SCCPDH: variants seen among roughly 807,000 people sequenced by gnomAD.
SCCPDH encodes the protein saccharopine dehydrogenase-like oxidoreductase.
In SCCPDH, 34 loss-of-function variants were observed where a neutral mutation model predicts 51.5. The observed-to-expected ratio is 0.66, with a 90% confidence interval of 0.50 to 0.88. SCCPDH has a LOEUF of 0.88. Among genes scored for constraint, SCCPDH ranks in the 40% least tolerant of loss-of-function variants. The probability of loss-of-function intolerance (pLI) is 0.00; values close to 1 mark genes in which losing one functional copy is unlikely to be tolerated. For missense variants in SCCPDH, 464 were observed against 527.1 expected, an observed-to-expected ratio of 0.88 and a Z score of 1.17; for synonymous variants, 187 against 191.3, an observed-to-expected ratio of 0.98 and a Z score of 0.19.
chr1:246,766,044 A>C lies in SCCPDH; in HGVS notation c.1103-14A>C. ...TGATTCCTTTCTTTTTCCCTGATCA[A>C]CTGTTTTCTGCAGAGGCTGGCTATG... On this transcript the variant is annotated splice_polypyrimidine_tract_variant and intron_variant, in intron 10 of 11. Transcript: ENST00000366510. 1.3e-6 allele frequency: 2 copies of C among 1,579,416 alleles called. No homozygotes were observed. The highest frequency in any genetic ancestry group is 1.2e-5 in the South Asian group (1 of 86,762).
rs1668985649 is a variant in SCCPDH at position 246,759,951 on chromosome 1, A to G, written c.814-6A>G. ...ATGTTCTAACTTTGTCTTCTCCATC[A>G]TCTAGGTTCAGTATGCTGCGTATGT... is the stretch of plus-strand genomic sequence containing the variant. On this transcript the variant is annotated splice_region_variant and splice_polypyrimidine_tract_variant and intron_variant, in intron 7 of 11. Coordinates refer to ENST00000366510, the MANE Select transcript of SCCPDH (RefSeq NM_016002.3). 1 of 1,605,240 alleles carries G rather than the reference A, an allele frequency of 6.2e-7. No homozygotes were observed. The highest frequency in any genetic ancestry group is 1.7e-5 in the Admixed American group (1 of 57,984).
chr1:246,755,635 C>A, intron 5 of SCCPDH: 1 of 153,366 alleles, frequency 6.5e-6, no homozygotes. Context: ...CTTTCTCCAC[C>A]TTACTCTGGT....
chr1:246,762,215 C>A lies in SCCPDH; in HGVS notation c.990+1988C>A, dbSNP rs139157613. Among the ~76,000 whole-genome samples the A allele has an allele frequency of 4.9e-4, 75 of 152,298 alleles. 1 individual carries two copies. In the East Asian group the frequency reaches 0.013, roughly 27 times the overall value. ...CAAATCATATATTTGACAGAAGATT[C>A]ATATCCAGAAAATATAGAGAACTCC... On this transcript the variant is annotated intron_variant, in intron 9 of 11. Coordinates refer to ENST00000366510, the MANE Select transcript of SCCPDH (RefSeq NM_016002.3).
At chr1:246,743,934 TG>T in intron 4 of SCCPDH, 141 bp from the exon 5 acceptor site, 1 of 549,650 alleles carries the variant, frequency 1.8e-6, no homozygotes. Flanking sequence ...ATAATAAAAC[TG>T]TTGTCTGTAC....
chr1:246,733,462 CTA>C (rs1318680418), intron 2 of SCCPDH, among the ~76,000 whole-genome samples: 1 of 148,448 alleles, frequency 6.7e-6, no homozygotes. Flanking sequence ...TATATGGCCT[CTA>C]TATATAGTCC....
At chr1:246,762,027 AG>A (rs1353793199) in intron 9 of SCCPDH, among the ~76,000 whole-genome samples, 1 of 152,228 alleles carries the variant, frequency 6.6e-6, no homozygotes, top group African/African-American at 2.4e-5. Flanking sequence ...CGAGAGTTCC[AG>A]TTTCTCTGCT....
intron 5 of SCCPDH, among the ~76,000 whole-genome samples, chr1:246,745,084 G>A (rs183024087): frequency 1.3e-5 from 2 of 152,300 alleles, no homozygotes; most frequent in South Asian, 2.1e-4. Flanking sequence ...TTTATCATGC[G>A]CCTAACTTAG....
At chr1:246,747,371 T>C (rs144369306) in intron 5 of SCCPDH, among the ~76,000 whole-genome samples, 2 of 152,056 alleles carry the variant, frequency 1.3e-5, no homozygotes, top group Admixed American at 6.6e-5. Context: ...ACCCAGAAAA[T>C]CTGAGACAGG....
chr1:246,744,712 T>A (rs1296813544), intron 5 of SCCPDH, among the ~76,000 whole-genome samples: 1 of 152,124 alleles, frequency 6.6e-6, no homozygotes, highest in Non-Finnish European at 1.5e-5. Context: ...CCTCCCGGAT[T>A]TAAGTGGTTC....
chr1:246,728,352 G>T (rs938996269), intron 2 of SCCPDH, among the ~76,000 whole-genome samples: 7 of 152,192 alleles, frequency 4.6e-5, no homozygotes, highest in Non-Finnish European at 8.8e-5. Context: ...GAGGTCCACT[G>T]CTGCACTCTA....
chr1:246,754,600 G>T (rs1015468627), intron 5 of SCCPDH, among the ~76,000 whole-genome samples: 4 of 152,252 alleles, frequency 2.6e-5, no homozygotes, highest in Admixed American at 2.0e-4. Context: ...GTCTCCAGCA[G>T]TCGAGCTCCG....
chr1:246,753,118 A>AT (rs1668879673), intron 5 of SCCPDH, among the ~76,000 whole-genome samples: 1 of 144,312 alleles, frequency 6.9e-6, no homozygotes, highest in Admixed American at 6.9e-5. Flanking sequence ...CTCCTCTAGG[A>AT]TTTTTTTTCT....
intron 4 of SCCPDH, among the ~76,000 whole-genome samples, chr1:246,742,024 G>A (rs1382541176): frequency 6.6e-6 from 1 of 152,218 alleles, no homozygotes; most frequent in African/African-American, 2.4e-5. Context: ...AGCTGAGATC[G>A]CGCTGTTGCA....
Position 246,733,676 on chromosome 1 carries a change from G to A in SCCPDH, c.304-2299G>A, listed in dbSNP as rs78567157. Among the ~76,000 whole-genome samples, 577 of 152,144 alleles carry A rather than the reference G, an allele frequency of 3.8e-3. 1 individual carries two copies. The highest frequency in any genetic ancestry group is 0.017 in the Middle Eastern group (5 of 294). ...AAATAGGTTTAGAGAGAGAGATGAT[G>A]AATTCGGTTTTAGACTTGTTGAAAT... On this transcript the variant is annotated intron_variant, in intron 2 of 11. Transcript: ENST00000366510.
chr1:246,752,993 C>G (rs1429163961), intron 5 of SCCPDH, among the ~76,000 whole-genome samples: 1 of 151,920 alleles, frequency 6.6e-6, no homozygotes. Flanking sequence ...CTCTCCGCCT[C>G]TCTGTCTCTT....
At chr1:246,757,213 G>A (rs1035218489) in intron 5 of SCCPDH, among the ~76,000 whole-genome samples, 48 of 152,084 alleles carry the variant, frequency 3.2e-4, no homozygotes, top group African/African-American at 9.9e-4. Flanking sequence ...GCATGGTGGT[G>A]GGCACCTGTA....
At chr1:246,760,468 A>G (rs1668995908) in intron 9 of SCCPDH, among the ~76,000 whole-genome samples, 1 of 152,176 alleles carries the variant, frequency 6.6e-6, no homozygotes, top group African/African-American at 2.4e-5. Context: ...CAGGTAGTAC[A>G]TGGCCCAGCT....
At chr1:246,724,691 C>T (rs1668360599) in intron 1 of SCCPDH, 79 bp downstream of exon 1, 3 of 1,258,884 alleles carry the variant, frequency 2.4e-6, no homozygotes, top group Non-Finnish European at 3.1e-6. Flanking sequence ...GCGTTTCTCC[C>T]GCAGGGATGC....
At chr1:246,740,514 T>C (rs1219076560) in intron 4 of SCCPDH, among the ~76,000 whole-genome samples, 1 of 152,200 alleles carries the variant, frequency 6.6e-6, no homozygotes, top group Non-Finnish European at 1.5e-5. Context: ...TATTTTACAG[T>C]GATATATTAT....
Sources: gnomAD v4.1 joint callset for allele counts (sites outside exome capture counted in the v4.1 genomes callset) on GRCh38, gnomAD v4.1.1 for gene constraint, MANE v1.5 for transcripts, NCBI Gene and HGNC (gene_info 2026-07-23, HGNC 2026-07-21) for gene names.